Variants in SGMS1 observed in about 807,000 individuals in gnomAD.
SGMS1 encodes phosphatidylcholine:ceramide cholinephosphotransferase 1.
Under a neutral mutation model 46.2 loss-of-function variants are expected in SGMS1, and 13 were observed. The ratio of observed to expected loss-of-function variants is 0.28; its 90% CI spans 0.18 to 0.45. SGMS1 has a LOEUF of 0.45. Ranked by LOEUF, SGMS1 falls within the 20% of genes least tolerant of loss-of-function variation. The pLI, the probability that SGMS1 is intolerant of heterozygous loss-of-function variation, is 1.00. For synonymous variants in SGMS1, 203 were observed against 187.8 expected (o/e 1.08, Z -0.66); for missense variants, 324 against 519.9 (o/e 0.62, Z 3.66).
At chr10:50,481,813 A>G (rs1044125751) in intron 3 of SGMS1, among the ~76,000 whole-genome samples, 2 of 152,206 alleles carry the variant, frequency 1.3e-5, no homozygotes, top group Non-Finnish European at 2.9e-5. Flanking sequence ...CAGAATAATC[A>G]GTTTAGAGAG....
chr10:50,590,382 A>G (rs948432795), intron 1 of SGMS1, 135 bp from the exon 2 acceptor site: 1 of 152,256 alleles, frequency 6.6e-6, no homozygotes, highest in African/African-American at 2.4e-5. Flanking sequence ...TTAATAGGGG[A>G]AAAAGTAAAA....
chr10:50,423,296 A>T (rs1270016040), intron 6 of SGMS1, among the ~76,000 whole-genome samples: 1 of 79,312 alleles, frequency 1.3e-5, no homozygotes, highest in Admixed American at 1.4e-4. Flanking sequence ...GCCTTTTCCC[A>T]CTTAATTTAG....
intron 7 of SGMS1, among the ~76,000 whole-genome samples, chr10:50,332,293 C>T (rs1847636929): frequency 6.6e-6 from 1 of 152,118 alleles, no homozygotes; most frequent in Non-Finnish European, 1.5e-5. Context: ...ATTCTCTCTG[C>T]CTGGATTCTG....
chr10:50,545,426 T>C (rs561829302), intron 2 of SGMS1, among the ~76,000 whole-genome samples: 1 of 152,020 alleles, frequency 6.6e-6, no homozygotes, highest in Non-Finnish European at 1.5e-5. Context: ...TTTGTTGTTG[T>C]TGCTGTTTGT....
chr10:50,357,055 C>G (rs1411596761), intron 6 of SGMS1, among the ~76,000 whole-genome samples: 1 of 151,274 alleles, frequency 6.6e-6, no homozygotes, highest in African/African-American at 2.4e-5. Flanking sequence ...ATACCTGTAC[C>G]CTAAAACTTA....
chr10:50,616,543 T>C (rs1032297627), intron 1 of SGMS1, among the ~76,000 whole-genome samples: 1 of 152,174 alleles, frequency 6.6e-6, no homozygotes, highest in Non-Finnish European at 1.5e-5. Context: ...CAATATCTTT[T>C]AAACCCTTCA....
chr10:50,307,412 T>A lies in SGMS1; in HGVS notation c.1063-91A>T. ...ACGCTAAAATTCCCAAAGGACTCCA[T>A]ACCTGCCCTGCGTGTCCACCCACAT... is the stretch of plus-strand genomic sequence containing the variant. On this transcript the variant is annotated intron_variant, in intron 10 of 10. Coordinates refer to ENST00000361781, the MANE Select transcript of SGMS1 (RefSeq NM_147156.4). The surrounding 1 kb of genome is among the most constrained non-coding windows in gnomAD (Gnocchi z 4.2). The A allele has an allele frequency of 1.2e-5, 14 of 1,137,398 alleles. No individual in the cohort carries two copies. The South Asian group carries it at 2.1e-4, about 17-fold the overall frequency. The allele number at this position is 1,137,398 out of a possible 1,614,324, so 70.5% of individuals were successfully genotyped here. A position where few individuals can be genotyped will look rare whatever the true frequency, so the allele number is the denominator to read the frequency against.
chr10:50,541,925 T>A (rs1838056688), intron 2 of SGMS1, among the ~76,000 whole-genome samples: 1 of 152,170 alleles, frequency 6.6e-6, no homozygotes, highest in Non-Finnish European at 1.5e-5. Flanking sequence ...TCGAGGAGCA[T>A]GTTTGATTTT....
At chr10:50,462,988 AG>A in intron 4 of SGMS1, among the ~76,000 whole-genome samples, 1 of 152,194 alleles carries the variant, frequency 6.6e-6, no homozygotes, top group South Asian at 2.1e-4. Context: ...TTAAAAAAAA[AG>A]ACCCTTACCC....
intron 5 of SGMS1, among the ~76,000 whole-genome samples, chr10:50,439,618 C>T (rs1849516696): frequency 6.6e-6 from 1 of 152,188 alleles, no homozygotes; most frequent in African/African-American, 2.4e-5. Flanking sequence ...TTTCATGACA[C>T]TATAAAGCTC....
intron 2 of SGMS1, among the ~76,000 whole-genome samples, chr10:50,526,715 C>G (rs1352869770): frequency 6.6e-6 from 1 of 152,064 alleles, no homozygotes; most frequent in Non-Finnish European, 1.5e-5. Context: ...ATCCCTGATT[C>G]TGTTAAAGGC....
At chr10:50,591,137 T>C (rs1481406339) in intron 1 of SGMS1, among the ~76,000 whole-genome samples, 11 of 152,212 alleles carry the variant, frequency 7.2e-5, no homozygotes, top group Non-Finnish European at 1.6e-4. Context: ...TGACGATACC[T>C]TCTGTTTTGG....
intron 6 of SGMS1, among the ~76,000 whole-genome samples, chr10:50,399,337 T>C (rs1188278585): frequency 6.6e-6 from 1 of 152,134 alleles, no homozygotes; most frequent in African/African-American, 2.4e-5. Flanking sequence ...CAATAAAAGG[T>C]ATGCAACTAT....
chr10:50,493,774 C>T (rs776491582), intron 3 of SGMS1, among the ~76,000 whole-genome samples: 2 of 151,906 alleles, frequency 1.3e-5, no homozygotes, highest in East Asian at 3.9e-4. Context: ...GATACCAACT[C>T]ACACCAGTCA....
At chr10:50,482,360 C>T (rs969273107) in intron 3 of SGMS1, among the ~76,000 whole-genome samples, 1 of 152,146 alleles carries the variant, frequency 6.6e-6, no homozygotes, top group Non-Finnish European at 1.5e-5. Flanking sequence ...GATTGGGGGC[C>T]ATTATTCAAC....
At chr10:50,457,506 C>T (rs1472552170) in intron 5 of SGMS1, among the ~76,000 whole-genome samples, 3 of 151,944 alleles carry the variant, frequency 2.0e-5, no homozygotes, top group Non-Finnish European at 4.4e-5. Context: ...GCTTGGTGTA[C>T]GAAGGATCCC....
intron 2 of SGMS1, among the ~76,000 whole-genome samples, chr10:50,576,737 G>T (rs1374655673): frequency 6.6e-6 from 1 of 152,090 alleles, no homozygotes; most frequent in Non-Finnish European, 1.5e-5. Flanking sequence ...TTTCCGGAGA[G>T]CACTTTTGAT....
chr10:50,455,126 T>C (rs538691127), intron 5 of SGMS1, among the ~76,000 whole-genome samples: 2 of 152,228 alleles, frequency 1.3e-5, no homozygotes, highest in South Asian at 4.1e-4. Context: ...GTAGAGATAT[T>C]CACTAGATAA....
Position 50,439,929 on chromosome 10 carries a change from C to T in SGMS1, c.-312-6373G>A, listed in dbSNP as rs563236324. ...TCAACAGGTATTTTGGGGGCATCTA[C>T]AATTCCAAAGCATTGAGGTAAGTGC... On this transcript the variant is annotated intron_variant, in intron 5 of 10. Coordinates refer to ENST00000361781, the MANE Select transcript of SGMS1 (RefSeq NM_147156.4). Among the ~76,000 whole-genome samples, 3 of 152,234 alleles carry T rather than the reference C, an allele frequency of 2.0e-5. No individual in the cohort carries two copies. The South Asian group carries it at 6.2e-4, about 32-fold the overall frequency.
Sources: gnomAD v4.1 joint callset for allele counts (sites outside exome capture counted in the v4.1 genomes callset) on GRCh38, gnomAD v4.1.1 for gene constraint, Gnocchi (gnomAD v3.1) non-coding constraint, MANE v1.5 for transcripts, NCBI Gene and HGNC (gene_info 2026-07-23, HGNC 2026-07-21) for gene names.